SYT16: variants seen among roughly 807,000 people sequenced by gnomAD.
The protein encoded by SYT16 is synaptotagmin-16.
Under a neutral mutation model 61.4 loss-of-function variants are expected in SYT16, and 42 were observed. The ratio of observed to expected loss-of-function variants is 0.68; its 90% CI spans 0.53 to 0.89. The LOEUF is 0.89. Ranked by LOEUF, SYT16 falls within the 40% of genes least tolerant of loss-of-function variation. SYT16 has a pLI of 0.00. For missense variants in SYT16, 804 were observed against 807.3 expected (o/e 1.00, Z 0.05); for synonymous variants, 314 against 302.3 (o/e 1.04, Z -0.40).
chr14:61,885,219 A>C (rs2047855718), intron 1 of SYT16, among the ~76,000 whole-genome samples: 1 of 152,226 alleles, frequency 6.6e-6, no homozygotes, highest in African/African-American at 2.4e-5. Context: ...CTTGGATTCT[A>C]AACTTGATTC....
At chr14:62,040,856 C>T (rs931757617) in intron 3 of SYT16, among the ~76,000 whole-genome samples, 3 of 152,014 alleles carry the variant, frequency 2.0e-5, no homozygotes, top group Admixed American at 1.3e-4. Flanking sequence ...TGGTGTGGTA[C>T]GTTTGTTACA....
intron 1 of SYT16, among the ~76,000 whole-genome samples, chr14:61,850,980 G>A (rs1401653605): frequency 6.6e-6 from 1 of 152,054 alleles, no homozygotes; most frequent in Admixed American, 6.5e-5. Context: ...GTGTCATGAT[G>A]GTTTGCTGCA....
chr14:61,959,699 T>C (rs1595018881), intron 1 of SYT16, among the ~76,000 whole-genome samples: 1 of 152,244 alleles, frequency 6.6e-6, no homozygotes, highest in East Asian at 1.9e-4. Flanking sequence ...TCTGTGTTTA[T>C]ATTTACCTTT....
At chr14:61,939,092 G>A (rs963138194) in intron 1 of SYT16, among the ~76,000 whole-genome samples, 6 of 152,272 alleles carry the variant, frequency 3.9e-5, no homozygotes, top group Non-Finnish European at 8.8e-5. Context: ...CTGAGATCGT[G>A]CCACTGCACT....
intron 7 of SYT16, among the ~76,000 whole-genome samples, chr14:62,091,966 A>G (rs1441015273): frequency 6.6e-6 from 1 of 152,164 alleles, no homozygotes; most frequent in East Asian, 1.9e-4. Flanking sequence ...ACAAACTAAT[A>G]TCCAGAATAT....
chr14:61,818,668 A>T (rs950185862), intron 1 of SYT16, among the ~76,000 whole-genome samples: 1 of 142,490 alleles, frequency 7.0e-6, no homozygotes, highest in Non-Finnish European at 1.5e-5. Context: ...ACACAGTGAG[A>T]CTCTGTCTCA....
At chr14:62,100,295 G>T in intron 7 of SYT16, 99 bp from the exon 8 acceptor site, 1 of 1,080,684 alleles carries the variant, frequency 9.3e-7, no homozygotes, top group South Asian at 1.7e-5. Flanking sequence ...GTTGAAAGGA[G>T]AAATTTGTAG....
intron 1 of SYT16, among the ~76,000 whole-genome samples, chr14:61,920,426 G>A (rs117539408): frequency 0.014 from 2,063 of 151,984 alleles, 25 homozygotes; most frequent in Middle Eastern, 0.048. Flanking sequence ...CCCTCCCCTT[G>A]TCCCCCACCC....
chr14:62,009,814 G>C (rs2053373007), intron 3 of SYT16, among the ~76,000 whole-genome samples: 1 of 152,098 alleles, frequency 6.6e-6, no homozygotes, highest in Non-Finnish European at 1.5e-5. Context: ...CCCACTCAGA[G>C]GAATAGCACC....
intron 1 of SYT16, among the ~76,000 whole-genome samples, chr14:61,901,301 C>T (rs2048505993): frequency 6.6e-6 from 1 of 152,200 alleles, no homozygotes; most frequent in African/African-American, 2.4e-5. Context: ...GCTGCTGCTG[C>T]AGCAAATACA....
At chr14:62,039,020 G>T (rs1484295938) in intron 3 of SYT16, among the ~76,000 whole-genome samples, 2 of 152,218 alleles carry the variant, frequency 1.3e-5, no homozygotes, top group Non-Finnish European at 2.9e-5. Context: ...GAAGGTCAGA[G>T]AAGTAAAGTG....
chr14:61,985,680 C>A (rs1791925279), intron 2 of SYT16, among the ~76,000 whole-genome samples: 1 of 152,078 alleles, frequency 6.6e-6, no homozygotes, highest in African/African-American at 2.4e-5. Context: ...TGACATTTTG[C>A]AAATAGTTTA....
At chr14:61,881,115 A>G (rs2047682388) in intron 1 of SYT16, among the ~76,000 whole-genome samples, 1 of 152,066 alleles carries the variant, frequency 6.6e-6, no homozygotes, top group Admixed American at 6.5e-5. Context: ...TTGTGTTTTT[A>G]TTATATTTTT....
chr14:62,100,489 A>G lies in SYT16; in HGVS notation c.1720A>G (p.Lys574Glu). The change falls in exon 8 of 8, where the codon AAG becomes GAG. Residue 574 changes from lysine to glutamate, a missense_variant. Transcript: ENST00000683842. Reference sequence around the variant, plus strand: ...GCGTGGTCAGCCCAATCCTGTCTATAAGGAGACCTTTGTTTTCCAGGTGGC... The same window carrying G: ...GCGTGGTCAGCCCAATCCTGTCTATGAGGAGACCTTTGTTTTCCAGGTGGC... ...IRRGQPNPVY[K>E]ETFVFQVALF... The G allele has an allele frequency of 3.1e-6, 5 of 1,613,586 alleles. No homozygotes were observed. Among genetic ancestry groups the G allele is most frequent in the Non-Finnish European group, 3.4e-6 (4 of 1,179,756 alleles).
intron 3 of SYT16, among the ~76,000 whole-genome samples, chr14:62,006,804 A>G (rs1299802569): frequency 6.6e-6 from 1 of 152,106 alleles, no homozygotes; most frequent in Non-Finnish European, 1.5e-5. Context: ...TCAGTTTTTT[A>G]CCTCATGCTT....
intron 2 of SYT16, among the ~76,000 whole-genome samples, chr14:61,975,417 A>G (rs2051746261): frequency 6.6e-6 from 1 of 152,156 alleles, no homozygotes; most frequent in Non-Finnish European, 1.5e-5. Flanking sequence ...ACTGCCTAAG[A>G]CTGGGTAATT....
chr14:61,823,494 C>T (rs917065822), intron 1 of SYT16, among the ~76,000 whole-genome samples: 5 of 146,992 alleles, frequency 3.4e-5, no homozygotes, highest in African/African-American at 7.6e-5. Context: ...TTTGGGAGGC[C>T]GAGGTGGGCA....
chr14:61,888,241 C>T (rs1188053345), intron 1 of SYT16, among the ~76,000 whole-genome samples: 1 of 151,828 alleles, frequency 6.6e-6, no homozygotes, highest in African/African-American at 2.4e-5. Context: ...CCTCAGCCTC[C>T]CGAGTAGCTG....
At chr14:62,043,936 G>C (rs950190058) in intron 3 of SYT16, among the ~76,000 whole-genome samples, 2 of 152,130 alleles carry the variant, frequency 1.3e-5, no homozygotes, top group African/African-American at 2.4e-5. Context: ...GCCTCTCAAA[G>C]TGCTGGGATT....
Sources: allele counts gnomAD v4.1 joint callset (sites outside exome capture counted in the v4.1 genomes callset), GRCh38; gene constraint gnomAD v4.1.1; transcripts MANE v1.5; gene names NCBI Gene and HGNC (gene_info 2026-07-23, HGNC 2026-07-21).